Variants in NXPE2 observed in about 807,000 individuals in gnomAD.
NXPE2 encodes the protein NXPE family member 2.
NXPE2 carries 34 observed loss-of-function variants against 34.4 expected under a neutral mutation model. The ratio of observed to expected loss-of-function variants is 0.99; its 90% CI spans 0.75 to 1.31. The LOEUF is 1.31. NXPE2 is among the 40% of genes most tolerant of loss of function. The probability of loss-of-function intolerance (pLI) is 0.00; values close to 1 mark genes in which losing one functional copy is unlikely to be tolerated. For missense variants in NXPE2, 649 were observed against 672.5 expected, an observed-to-expected ratio of 0.97 and a Z score of 0.39; for synonymous variants, 235 against 231.3, an observed-to-expected ratio of 1.02 and a Z score of -0.15.
At chr11:114,734,472 T>A in the NXPE2 span, among the ~76,000 whole-genome samples, 1 of 152,220 alleles carries the variant, frequency 6.6e-6, no homozygotes, top group African/African-American at 2.4e-5. Flanking sequence ...TTCTTTGTAA[T>A]CCATTTGAAA....
the NXPE2 span, chr11:114,551,113 T>G: frequency 6.6e-6 from 10 of 1,515,444 alleles, no homozygotes; most frequent in Non-Finnish European, 8.9e-6. Flanking sequence ...CTTTGTGAAG[T>G]TCTGAGAAAT....
the NXPE2 span, among the ~76,000 whole-genome samples, chr11:114,807,405 TAA>T: frequency 1.1e-4 from 17 of 152,126 alleles, no homozygotes; most frequent in Non-Finnish European, 1.9e-4. Flanking sequence ...GCAAATTGGA[TAA>T]AGAGTCAAGA....
At chr11:114,714,117 C>T in the NXPE2 span, among the ~76,000 whole-genome samples, 2 of 152,244 alleles carry the variant, frequency 1.3e-5, no homozygotes, top group African/African-American at 4.8e-5. Flanking sequence ...ATTTTGCTGA[C>T]TTACTTCTGA....
At chr11:114,639,789 T>G in the NXPE2 span, among the ~76,000 whole-genome samples, 27 of 124,108 alleles carry the variant, frequency 2.2e-4, 1 homozygote, top group South Asian at 5.7e-3. Flanking sequence ...AAATATAATA[T>G]ATATTATATT....
chr11:114,522,820 C>T, the NXPE2 span: 102 of 1,226,364 alleles, frequency 8.3e-5, no homozygotes, highest in Middle Eastern at 5.8e-4. Flanking sequence ...ATAGAGACCT[C>T]ATTAAAAGTA....
chr11:114,698,433 C>A lies in NXPE2; in HGVS notation c.521C>A (p.Thr174Asn). The change falls in exon 3 of 6, where the codon ACC becomes AAC. Residue 174 changes from threonine to asparagine, a missense_variant. Transcript: ENST00000389586. ...SGKVTDFNNG[T>N]YLVSFTLFWE... ...AAGGTGACTGACTTCAACAACGGCA[C>A]CTACCTGGTCAGCTTCACTCTGTTC... 15 of 1,613,968 alleles carry A rather than the reference C, an allele frequency of 9.3e-6. No individual in the cohort carries two copies. The highest frequency in any genetic ancestry group is 1.7e-4 in the Middle Eastern group (1 of 6,060).
the NXPE2 span, among the ~76,000 whole-genome samples, chr11:114,483,553 A>G: frequency 6.6e-6 from 1 of 152,222 alleles, no homozygotes; most frequent in Non-Finnish European, 1.5e-5. Flanking sequence ...GTTCTTAGGA[A>G]AAACACATAG....
chr11:114,638,785 C>A, the NXPE2 span, among the ~76,000 whole-genome samples: 1 of 151,916 alleles, frequency 6.6e-6, no homozygotes, highest in Non-Finnish European at 1.5e-5. Context: ...AGCGGATTTT[C>A]GTGAACCGTG....
chr11:114,727,965 G>A, the NXPE2 span, among the ~76,000 whole-genome samples: 9 of 151,952 alleles, frequency 5.9e-5, no homozygotes, highest in African/African-American at 1.9e-4. Flanking sequence ...TAGTCCATAA[G>A]GATAAAGTCA....
the NXPE2 span, among the ~76,000 whole-genome samples, chr11:114,812,751 A>T: frequency 6.6e-6 from 1 of 152,198 alleles, no homozygotes; most frequent in Admixed American, 6.5e-5. Context: ...TCTTTGCAAA[A>T]AATGAGATAG....
At chr11:114,639,706 C>A in the NXPE2 span, among the ~76,000 whole-genome samples, 1 of 122,786 alleles carries the variant, frequency 8.1e-6, no homozygotes, top group East Asian at 2.3e-4. Context: ...ATAATATATT[C>A]TATAATATAT....
At chr11:114,664,632 A>G in the NXPE2 span, among the ~76,000 whole-genome samples, 34 of 152,286 alleles carry the variant, frequency 2.2e-4, no homozygotes, top group East Asian at 4.1e-3. Context: ...TTTTGTATGC[A>G]CTTAATTACA....
chr11:114,497,765 T>G, the NXPE2 span, among the ~76,000 whole-genome samples: 1 of 152,220 alleles, frequency 6.6e-6, no homozygotes, highest in Non-Finnish European at 1.5e-5. Context: ...ATTCCACATA[T>G]TTTATTATGC....
At chr11:114,733,719 C>G in the NXPE2 span, among the ~76,000 whole-genome samples, 1 of 152,234 alleles carries the variant, frequency 6.6e-6, no homozygotes, top group East Asian at 1.9e-4. Flanking sequence ...TGGGGTCAAC[C>G]CATGTGGGCA....
chr11:114,619,252 T>C, the NXPE2 span, among the ~76,000 whole-genome samples: 1 of 150,586 alleles, frequency 6.6e-6, no homozygotes, highest in Non-Finnish European at 1.5e-5. Flanking sequence ...GTAATGCCTC[T>C]TGAGTAATCA....
At chr11:114,687,109 T>G (rs1287488005) in intron 2 of NXPE2, among the ~76,000 whole-genome samples, 1 of 152,168 alleles carries the variant, frequency 6.6e-6, no homozygotes, top group Admixed American at 6.6e-5. Context: ...GAGAAGCTCT[T>G]TAGCTTAATT....
chr11:114,803,399 T>C, the NXPE2 span, among the ~76,000 whole-genome samples: 1 of 152,200 alleles, frequency 6.6e-6, no homozygotes, highest in African/African-American at 2.4e-5. Context: ...TATAACAAGA[T>C]ACCTTAGACT....
At chr11:114,525,076 T>C in the NXPE2 span, among the ~76,000 whole-genome samples, 1 of 152,028 alleles carries the variant, frequency 6.6e-6, no homozygotes, top group Non-Finnish European at 1.5e-5. Flanking sequence ...CACCCTTCCC[T>C]TATGCTCTGT....
chr11:114,500,194 T>C, the NXPE2 span, among the ~76,000 whole-genome samples: 1 of 152,120 alleles, frequency 6.6e-6, no homozygotes, highest in South Asian at 2.1e-4. Flanking sequence ...ACAAACTGTT[T>C]TCTAGTCTTT....
Sources: gnomAD v4.1 joint callset for allele counts (sites outside exome capture counted in the v4.1 genomes callset) on GRCh38, gnomAD v4.1.1 for gene constraint, MANE v1.5 for transcripts, NCBI Gene and HGNC (gene_info 2026-07-23, HGNC 2026-07-21) for gene names.